PPP1R16B: variants seen among roughly 807,000 people sequenced by gnomAD.
The protein encoded by PPP1R16B is protein phosphatase 1 regulatory inhibitor subunit 16B.
Under a neutral mutation model 61.7 loss-of-function variants are expected in PPP1R16B, and 14 were observed. The ratio of observed to expected loss-of-function variants is 0.23; its 90% CI spans 0.15 to 0.35. The LOEUF (loss-of-function observed/expected upper bound fraction) is 0.35. Among genes scored for constraint, PPP1R16B ranks in the 10% least tolerant of loss-of-function variants. The probability of loss-of-function intolerance (pLI) is 1.00; values close to 1 mark genes in which losing one functional copy is unlikely to be tolerated. For synonymous variants in PPP1R16B, 266 were observed against 305.3 expected, an observed-to-expected ratio of 0.87 and a Z score of 1.34; for missense variants, 547 against 752.5, an observed-to-expected ratio of 0.73 and a Z score of 3.19.
intron 2 of PPP1R16B, among the ~76,000 whole-genome samples, chr20:38,840,860 G>C (rs150205608): frequency 6.6e-6 from 1 of 152,162 alleles, no homozygotes; most frequent in African/African-American, 2.4e-5. Context: ...TGATGTACCC[G>C]CTTCATAACG....
At chr20:38,910,967 C>T (rs1408471848) in intron 10 of PPP1R16B, among the ~76,000 whole-genome samples, 1 of 151,682 alleles carries the variant, frequency 6.6e-6, no homozygotes, top group East Asian at 2.0e-4. Context: ...TGCACTCCAG[C>T]CTGGGGACAG....
Position 38,922,909 on chromosome 20 carries a change from C to T in PPP1R16B, c.*4243C>T, listed in dbSNP as rs1344773553. On this transcript the variant is annotated 3_prime_UTR_variant, in exon 11 of 11. Coordinates refer to ENST00000299824, the MANE Select transcript of PPP1R16B (RefSeq NM_015568.4). ...GGGCCTTGGGTCCAAAACTGTGGCT[C>T]AGCCACATCCCAAAGGGGGCACATG... 6.6e-6 allele frequency: 1 copy of T among 152,388 alleles called. No homozygotes were observed. Among genetic ancestry groups the T allele is most frequent in the Non-Finnish European group, 1.5e-5 (1 of 68,046 alleles). 9.4% of individuals were successfully genotyped at this position (152,388 alleles called of 1,614,324 possible).
At chr20:38,878,328 A>G (rs2085183101) in intron 2 of PPP1R16B, among the ~76,000 whole-genome samples, 1 of 152,196 alleles carries the variant, frequency 6.6e-6, no homozygotes, top group African/African-American at 2.4e-5. Flanking sequence ...CAAGGCAGAG[A>G]CAGGGGAGGT....
intron 2 of PPP1R16B, among the ~76,000 whole-genome samples, chr20:38,850,632 T>A (rs1198030404): frequency 6.6e-6 from 1 of 152,194 alleles, no homozygotes; most frequent in Non-Finnish European, 1.5e-5. Context: ...GCTGCTGACT[T>A]AGAAACACAG....
chr20:38,915,710 G>A (rs550959389), intron 10 of PPP1R16B, among the ~76,000 whole-genome samples: 18 of 152,016 alleles, frequency 1.2e-4, no homozygotes, highest in Non-Finnish European at 2.2e-4. Flanking sequence ...GGCCGGTCTC[G>A]AACTCCTGAC....
chr20:38,818,467 A>C (rs2084753330), intron 1 of PPP1R16B, among the ~76,000 whole-genome samples: 1 of 152,198 alleles, frequency 6.6e-6, no homozygotes, highest in South Asian at 2.1e-4. Flanking sequence ...TGAGAGCTTG[A>C]AACTGGACAG....
At chr20:38,837,615 G>A (rs1301180116) in intron 2 of PPP1R16B, among the ~76,000 whole-genome samples, 3 of 148,400 alleles carry the variant, frequency 2.0e-5, no homozygotes, top group African/African-American at 7.5e-5. Flanking sequence ...GTGTAATCTC[G>A]GCTCACTGCA....
intron 1 of PPP1R16B, among the ~76,000 whole-genome samples, chr20:38,819,631 C>A (rs890425902): frequency 3.3e-5 from 5 of 152,098 alleles, no homozygotes; most frequent in Non-Finnish European, 7.3e-5. Flanking sequence ...ACTTTCTGCT[C>A]CAAGAAATAG....
chr20:38,899,895 C>T (rs2085378163), intron 4 of PPP1R16B, among the ~76,000 whole-genome samples: 1 of 151,966 alleles, frequency 6.6e-6, no homozygotes, highest in African/African-American at 2.4e-5. Flanking sequence ...CTCCCAGTTT[C>T]AAGCAATTCT....
chr20:38,865,533 C>T lies in PPP1R16B; in HGVS notation c.251-24062C>T, dbSNP rs969690663. 2.0e-5 allele frequency among the ~76,000 whole-genome samples: 3 copies of T among 152,108 alleles called. No individual in the cohort carries two copies. In the East Asian group the frequency reaches 5.8e-4, roughly 30 times the overall value. The stretch of plus-strand genomic sequence containing the variant: ...TCTCGATCTCCTGACCTTTGTGATC[C>T]GCCTGCCTCGGCCTCCTAAAGCACT... On this transcript the variant is annotated intron_variant, in intron 2 of 10. Transcript: ENST00000299824.
intron 2 of PPP1R16B, among the ~76,000 whole-genome samples, chr20:38,840,883 T>A (rs888276821): frequency 7.9e-5 from 12 of 152,218 alleles, no homozygotes; most frequent in African/African-American, 2.9e-4. Flanking sequence ...GTTGGGGGGT[T>A]AAATTAAGTT....
intron 2 of PPP1R16B, among the ~76,000 whole-genome samples, chr20:38,866,610 G>T (rs561063271): frequency 6.6e-6 from 1 of 152,236 alleles, no homozygotes; most frequent in Admixed American, 6.5e-5. Flanking sequence ...CCCATGGAGG[G>T]GATACAGCCC....
intron 2 of PPP1R16B, among the ~76,000 whole-genome samples, chr20:38,885,279 C>G (rs573869956): frequency 6.6e-6 from 1 of 152,148 alleles, no homozygotes; most frequent in East Asian, 1.9e-4. Context: ...AGTCAGGGAG[C>G]CAGGTTTACA....
At chr20:38,857,343 G>T (rs4812326) in intron 2 of PPP1R16B, among the ~76,000 whole-genome samples, 1 of 151,974 alleles carries the variant, frequency 6.6e-6, no homozygotes, top group Non-Finnish European at 1.5e-5. Flanking sequence ...ATAATTCCAG[G>T]CTTTATAATT....
Position 38,918,588 on chromosome 20 carries a change from A to T in PPP1R16B, c.1626A>T (p.Gly542=). 6.5e-7 allele frequency: 1 copy of T among 1,533,756 alleles called. No individual in the cohort carries two copies. The highest frequency in any genetic ancestry group is 1.3e-5 in the South Asian group (1 of 77,332). Residue 542 remains glycine, a synonymous_variant, in exon 11 of 11, where the codon GGA becomes GGT. Coordinates refer to ENST00000299824, the MANE Select transcript of PPP1R16B (RefSeq NM_015568.4). This position sits in a 1 kb window ranked among gnomAD's most constrained non-coding sequence, Gnocchi z 5.3. ...GTSVYYTVTS[G]DPPLLKFKAP... is the part of the protein sequence containing the mutation. ...CGGTATATTACACGGTCACCAGCGG[A>T]GATCCCCCACTCTTAAAGTTCAAGG...
chr20:38,870,483 C>T (rs896312112), intron 2 of PPP1R16B, among the ~76,000 whole-genome samples: 1 of 152,058 alleles, frequency 6.6e-6, no homozygotes, highest in Non-Finnish European at 1.5e-5. Flanking sequence ...GAGGAGGTGA[C>T]ACTTAAGAGA....
chr20:38,858,054 G>C (rs1022718244), intron 2 of PPP1R16B, among the ~76,000 whole-genome samples: 2 of 152,042 alleles, frequency 1.3e-5, no homozygotes, highest in East Asian at 1.9e-4. Context: ...CCTCCTCACT[G>C]TTTCCTCACC....
chr20:38,876,981 T>C (rs904789554), intron 2 of PPP1R16B, among the ~76,000 whole-genome samples: 2 of 152,222 alleles, frequency 1.3e-5, no homozygotes, highest in Non-Finnish European at 2.9e-5. Flanking sequence ...TCCTTTCCAG[T>C]TGAGATTCCA....
At position 38,895,180 on chromosome 20, in the gene PPP1R16B, A is replaced by G. The variant is rs147621143; in HGVS notation, c.322-385A>G. On this transcript the variant is annotated intron_variant, in intron 3 of 10. Transcript: ENST00000299824. Reference sequence around the variant, plus strand: ...TCCTGTTTGAATTTACTGGTCATCTAAGTGAGAGTTCTCCATATAATTTTC... The same window carrying G: ...TCCTGTTTGAATTTACTGGTCATCTGAGTGAGAGTTCTCCATATAATTTTC... Among the ~76,000 whole-genome samples the G allele has an allele frequency of 9.9e-3, 1,505 of 152,306 alleles. 23 individuals are homozygous for G. The highest frequency in any genetic ancestry group is 0.035 in the African/African-American group (1,448 of 41,558).
Sources: allele counts gnomAD v4.1 joint callset (sites outside exome capture counted in the v4.1 genomes callset), GRCh38; gene constraint gnomAD v4.1.1; non-coding constraint Gnocchi (gnomAD v3.1); transcripts MANE v1.5; gene names NCBI Gene and HGNC (gene_info 2026-07-23, HGNC 2026-07-21).